The following PSD3 variants were observed in gnomAD, a reference collection of about 807,000 sequenced individuals.
PSD3 encodes the protein pleckstrin and Sec7 domain containing 3.
PSD3 carries 49 observed loss-of-function variants against 105.5 expected under a neutral mutation model. That is an observed-to-expected ratio of 0.46 (90% confidence interval 0.37 to 0.59). The LOEUF (loss-of-function observed/expected upper bound fraction) is 0.59, where lower values mean the gene tolerates loss of function less well. Ranked by LOEUF, PSD3 falls within the 20% of genes least tolerant of loss-of-function variation. The pLI, the probability that PSD3 is intolerant of heterozygous loss-of-function variation, is 0.00. For synonymous variants in PSD3, 557 were observed against 457.8 expected (o/e 1.22, Z -2.77); for missense variants, 1,561 against 1,263.8 (o/e 1.24, Z -3.57).
chr8:18,957,387 A>G (rs73204508), intron 1 of PSD3, among the ~76,000 whole-genome samples: 58,486 of 149,570 alleles, frequency 0.39, 11,644 homozygotes, highest in Non-Finnish European at 0.41. Context: ...AAAAAAAAGA[A>G]TAAACAACCA....
intron 1 of PSD3, among the ~76,000 whole-genome samples, chr8:19,009,086 A>G (rs1826835650): frequency 1.3e-5 from 2 of 152,226 alleles, no homozygotes; most frequent in Admixed American, 1.3e-4. Flanking sequence ...AATGACACAT[A>G]ACTACGTGGA....
intron 8 of PSD3, among the ~76,000 whole-genome samples, chr8:18,774,146 T>C (rs552834686): frequency 2.0e-4 from 30 of 151,272 alleles, no homozygotes; most frequent in Admixed American, 1.6e-3. Flanking sequence ...ACACACAAGA[T>C]CAGTTCTCCC....
chr8:18,590,950 A>G (rs968520362), intron 12 of PSD3, among the ~76,000 whole-genome samples: 5 of 152,206 alleles, frequency 3.3e-5, no homozygotes, highest in Admixed American at 6.5e-5. Flanking sequence ...ACTGTGTTAT[A>G]CTATGATTCC....
intron 1 of PSD3, among the ~76,000 whole-genome samples, chr8:18,966,126 A>G (rs1400618827): frequency 2.6e-5 from 4 of 152,214 alleles, no homozygotes; most frequent in African/African-American, 9.6e-5. Flanking sequence ...GAATCTCAGT[A>G]AAGAGTTGAC....
intron 8 of PSD3, among the ~76,000 whole-genome samples, chr8:18,784,867 A>T (rs1165571137): frequency 6.6e-6 from 1 of 152,164 alleles, no homozygotes; most frequent in Non-Finnish European, 1.5e-5. Flanking sequence ...TTTATAACAC[A>T]GACATGGCTG....
At chr8:18,983,557 T>C (rs1825346321) in intron 1 of PSD3, among the ~76,000 whole-genome samples, 1 of 152,186 alleles carries the variant, frequency 6.6e-6, no homozygotes, top group Non-Finnish European at 1.5e-5. Context: ...TAGTTATGAA[T>C]TGGATTAATT....
At chr8:18,595,795 A>T (rs1438783961) in intron 12 of PSD3, among the ~76,000 whole-genome samples, 1 of 152,066 alleles carries the variant, frequency 6.6e-6, no homozygotes, top group Non-Finnish European at 1.5e-5. Context: ...GAAGGTAGAA[A>T]TTAACAATAG....
intron 12 of PSD3, among the ~76,000 whole-genome samples, chr8:18,584,295 G>A (rs895826668): frequency 6.6e-6 from 1 of 152,198 alleles, no homozygotes; most frequent in African/African-American, 2.4e-5. Context: ...CACAGTTGCT[G>A]TGCAGTGGCC....
chr8:18,602,754 G>C (rs1252457142), intron 11 of PSD3, among the ~76,000 whole-genome samples: 1 of 152,114 alleles, frequency 6.6e-6, no homozygotes, highest in African/African-American at 2.4e-5. Flanking sequence ...GCTCTCTAGA[G>C]CAGGTGCAAC....
rs139747476 is a variant in PSD3, at chr8:18,973,089, C to T, written c.22-36947G>A. Among the ~76,000 whole-genome samples, 1,023 of 152,268 alleles carry T rather than the reference C, an allele frequency of 6.7e-3. 12 individuals carry two copies. Among genetic ancestry groups the T allele is most frequent in the African/African-American group, 0.023 (950 of 41,566 alleles). ...TCGATGGACTACCTCACACAATCTG[C>T]GATTCCACTGTAAGGGCAGTGTCCG... On this transcript the variant is annotated intron_variant, in intron 1 of 15. Coordinates refer to ENST00000327040, the MANE Select transcript of PSD3 (RefSeq NM_015310.4).
intron 1 of PSD3, among the ~76,000 whole-genome samples, chr8:19,008,969 G>T (rs1826830514): frequency 1.3e-5 from 2 of 152,212 alleles, no homozygotes; most frequent in Admixed American, 6.5e-5. Context: ...GAAGCATCTA[G>T]ATCACTTCTC....
intron 11 of PSD3, among the ~76,000 whole-genome samples, chr8:18,611,583 C>A (rs1250070702): frequency 1.4e-5 from 2 of 143,364 alleles, no homozygotes; most frequent in African/African-American, 2.5e-5. Flanking sequence ...TATATGCAAT[C>A]CTTTGGATTT....
At chr8:18,971,671 T>C (rs541797142) in intron 1 of PSD3, among the ~76,000 whole-genome samples, 2 of 152,138 alleles carry the variant, frequency 1.3e-5, no homozygotes, top group South Asian at 4.2e-4. Context: ...CATGGAGGGA[T>C]GTGGAAAATA....
intron 4 of PSD3, among the ~76,000 whole-genome samples, chr8:18,858,207 G>A (rs1816173533): frequency 6.6e-6 from 1 of 152,164 alleles, no homozygotes; most frequent in African/African-American, 2.4e-5. Context: ...TGGATTTTCT[G>A]GTGCCTATAA....
chr8:18,565,310 A>G (rs1801668033), intron 14 of PSD3, among the ~76,000 whole-genome samples: 1 of 152,166 alleles, frequency 6.6e-6, no homozygotes, highest in Admixed American at 6.5e-5. Context: ...GGAGAGCTAC[A>G]CCAGAAGGAG....
intron 4 of PSD3, among the ~76,000 whole-genome samples, chr8:18,851,958 C>T (rs924630886): frequency 2.0e-5 from 3 of 152,170 alleles, no homozygotes; most frequent in Admixed American, 1.3e-4. Flanking sequence ...TGACAGTCTA[C>T]ACTGGAAAGT....
chr8:19,082,889 T>A (rs1461781859), intron 1 of PSD3, among the ~76,000 whole-genome samples: 1 of 152,194 alleles, frequency 6.6e-6, no homozygotes, highest in Non-Finnish European at 1.5e-5. Flanking sequence ...CATGCTAGCA[T>A]CTCTTCCTCC....
intron 4 of PSD3, among the ~76,000 whole-genome samples, chr8:18,859,803 G>A (rs1463079954): frequency 6.6e-6 from 1 of 152,170 alleles, no homozygotes; most frequent in Non-Finnish European, 1.5e-5. Flanking sequence ...CTCTGGCTTC[G>A]GCTTAAGGAA....
intron 2 of PSD3, among the ~76,000 whole-genome samples, chr8:18,884,110 T>C (rs964307418): frequency 3.3e-5 from 5 of 152,106 alleles, no homozygotes; most frequent in Admixed American, 2.6e-4. Flanking sequence ...GAGTGACCAC[T>C]CTGATCCCTT....
Sources: gnomAD v4.1 joint callset for allele counts (sites outside exome capture counted in the v4.1 genomes callset) on GRCh38, gnomAD v4.1.1 for gene constraint, MANE v1.5 for transcripts, NCBI Gene and HGNC (gene_info 2026-07-23, HGNC 2026-07-21) for gene names.